SMYD1: variants seen among roughly 807,000 people sequenced by gnomAD.
SMYD1 encodes the protein histone-lysine N-methyltransferase SMYD1.
SMYD1 carries 49 observed loss-of-function variants against 54.0 expected under a neutral mutation model. The observed-to-expected ratio is 0.91, with a 90% confidence interval of 0.72 to 1.15. SMYD1 has a LOEUF of 1.15. Ranked by LOEUF, SMYD1 falls within the 50% of genes most tolerant of loss-of-function variation. SMYD1 has a pLI of 0.00. For missense variants in SMYD1, 653 were observed against 639.6 expected (o/e 1.02, Z -0.23); for synonymous variants, 269 against 234.2 (o/e 1.15, Z -1.36).
intron 1 of SMYD1, among the ~76,000 whole-genome samples, chr2:88,083,634 G>A (rs893359488): frequency 1.3e-4 from 19 of 151,244 alleles, no homozygotes; most frequent in African/African-American, 4.6e-4. Context: ...ATACAATACT[G>A]TGTTCTGAAT....
chr2:88,074,041 G>A (rs763654804), intron 1 of SMYD1, among the ~76,000 whole-genome samples: 2 of 152,296 alleles, frequency 1.3e-5, no homozygotes, highest in East Asian at 1.9e-4. Flanking sequence ...GAGAAAGAGA[G>A]AGGGAAAGAA....
intron 1 of SMYD1, among the ~76,000 whole-genome samples, chr2:88,076,619 C>A (rs1674072129): frequency 6.6e-6 from 1 of 151,986 alleles, no homozygotes; most frequent in South Asian, 2.1e-4. Context: ...GAAGGAAAGA[C>A]AGAGGGAAAG....
At chr2:88,085,319 TC>T (rs1206896992) in intron 2 of SMYD1, among the ~76,000 whole-genome samples, 5 of 152,102 alleles carry the variant, frequency 3.3e-5, no homozygotes, top group African/African-American at 1.2e-4. Flanking sequence ...CTGGTGGCCA[TC>T]ATCAGAATCT....
rs1307687086 is a variant in SMYD1 at position 88,070,966 on chromosome 2, AAC to A, written c.137+2967_137+2968del. 3.3e-4 allele frequency among the ~76,000 whole-genome samples: 50 copies of A among 150,022 alleles called. No homozygotes were observed. The South Asian group carries it at 0.01, about 30-fold the overall frequency. On this transcript the variant is annotated intron_variant, in intron 1 of 9. Transcript: ENST00000419482. ...TCAAAAAAAAAAAAAAAAAAAAAAA[AAC>A]AGTAATAGTTTTATCACAGTCACAT...
intron 8 of SMYD1, among the ~76,000 whole-genome samples, chr2:88,108,006 T>C (rs935143229): frequency 1.3e-5 from 2 of 152,240 alleles, no homozygotes; most frequent in African/African-American, 4.8e-5. Context: ...CAGTTGAAAA[T>C]GCAGAAATCA....
intron 2 of SMYD1, among the ~76,000 whole-genome samples, chr2:88,084,991 C>A (rs1674289547): frequency 6.6e-6 from 1 of 152,120 alleles, no homozygotes; most frequent in African/African-American, 2.4e-5. Context: ...CTCAAGCGAT[C>A]CACCCGTCTC....
At chr2:88,087,772 T>G (rs1674366223) in intron 2 of SMYD1, 90 bp from the exon 3 acceptor site, 8 of 1,167,680 alleles carry the variant, frequency 6.9e-6, no homozygotes, top group Admixed American at 2.9e-5. Flanking sequence ...GGGCCCAACA[T>G]TGTGCCTGGC....
chr2:88,103,008 TGGGTTGCCTCATGAA>T, intron 6 of SMYD1, 35 bp from the exon 7 acceptor site: 1 of 1,425,622 alleles, frequency 7.0e-7, no homozygotes, highest in South Asian at 1.2e-5. Context: ...AAAGGTGGAA[TGGGTTGCCTCATGAA>T]GGCATCTCTA....
intron 4 of SMYD1, 134 bp downstream of exon 4, chr2:88,091,276 A>T (rs1674456497): frequency 1.1e-6 from 1 of 927,518 alleles, no homozygotes; most frequent in African/African-American, 1.7e-5. Flanking sequence ...GCACATAGAA[A>T]TCTCATTCCA....
chr2:88,075,048 G>C (rs1039032134), intron 1 of SMYD1, among the ~76,000 whole-genome samples: 2 of 152,148 alleles, frequency 1.3e-5, no homozygotes, highest in Non-Finnish European at 2.9e-5. Context: ...GAGAAATTCC[G>C]GAACAATTAG....
rs1675030289 is a variant in SMYD1, at chr2:88,111,825, A to T, written c.*1313A>T. The T allele has an allele frequency of 7.1e-6, 3 of 421,028 alleles. No individual in the cohort carries two copies. The highest frequency in any genetic ancestry group is 1.3e-5 in the Non-Finnish European group (3 of 233,132). The allele number at this position is 421,028 out of a possible 1,614,324, so 26.1% of individuals were successfully genotyped here. ...AATGTTTTGGGAGATCCTGGAAAAG[A>T]TCCCTTCAGTTTGGGGTGTCACCAA... On this transcript the variant is annotated 3_prime_UTR_variant, in exon 10 of 10. Transcript: ENST00000419482.
chr2:88,109,758 C>A (rs546326404), intron 9 of SMYD1, among the ~76,000 whole-genome samples: 53 of 152,226 alleles, frequency 3.5e-4, no homozygotes, highest in East Asian at 5.8e-4. Context: ...GCAGGAGGAC[C>A]AAGTGAGGGG....
chr2:88,104,127 T>C (rs186660967), intron 7 of SMYD1, among the ~76,000 whole-genome samples: 2,517 of 152,160 alleles, frequency 0.017, 27 homozygotes, highest in African/African-American at 0.019. Context: ...CCACCACGCC[T>C]GGCTAATTTT....
At chr2:88,078,245 C>G (rs1172192006) in intron 1 of SMYD1, among the ~76,000 whole-genome samples, 2 of 152,194 alleles carry the variant, frequency 1.3e-5, no homozygotes, top group Non-Finnish European at 2.9e-5. Flanking sequence ...CTGTGCTGAC[C>G]ATCTTACACA....
chr2:88,077,331 T>C (rs1057091870), intron 1 of SMYD1, among the ~76,000 whole-genome samples: 2 of 152,260 alleles, frequency 1.3e-5, no homozygotes, highest in Non-Finnish European at 2.9e-5. Context: ...CATTCAAGGC[T>C]GCAGGCCAAG....
At position 88,096,644 on chromosome 2, in the gene SMYD1, G is replaced by A; in HGVS notation, c.748G>A (p.Val250Met). The A allele has an allele frequency of 6.2e-7, 1 of 1,614,106 alleles. No homozygotes were observed. Among genetic ancestry groups the A allele is most frequent in the South Asian group, 1.1e-5 (1 of 91,062 alleles). ...GKISEGEELT[V>M]SYIDFLNVSE... ...GATCTCAGAAGGAGAGGAGCTGACT[G>A]TGTCCTATATTGACTTCCTCAACGT... Residue 250 changes from valine (V) to methionine (M), a missense_variant, in exon 6 of 10, where the codon GTG becomes ATG. Val to Met is a conservative substitution (Grantham distance 21). Coordinates refer to ENST00000419482, the MANE Select transcript of SMYD1 (RefSeq NM_198274.4).
intron 1 of SMYD1, among the ~76,000 whole-genome samples, chr2:88,070,447 A>T (rs1389819791): frequency 6.6e-6 from 1 of 151,354 alleles, no homozygotes; most frequent in Non-Finnish European, 1.5e-5. Flanking sequence ...TCTTTCAAAC[A>T]GTGTGTATTA....
At chr2:88,086,554 G>A (rs1674330193) in intron 2 of SMYD1, among the ~76,000 whole-genome samples, 1 of 152,142 alleles carries the variant, frequency 6.6e-6, no homozygotes, top group Non-Finnish European at 1.5e-5. Context: ...TCTTCCCCCA[G>A]AGCCCCGCTC....
At chr2:88,089,578 T>C (rs1674415309) in intron 3 of SMYD1, among the ~76,000 whole-genome samples, 1 of 144,574 alleles carries the variant, frequency 6.9e-6, no homozygotes, top group Non-Finnish European at 1.5e-5. Context: ...AGCCAGAGCT[T>C]CTACCTGTTT....
Sources: gnomAD v4.1 joint callset for allele counts (sites outside exome capture counted in the v4.1 genomes callset) on GRCh38, gnomAD v4.1.1 for gene constraint, MANE v1.5 for transcripts, NCBI Gene and HGNC (gene_info 2026-07-23, HGNC 2026-07-21) for gene names.